Variants in GPSM2 observed in about 807,000 individuals in gnomAD.
GPSM2 encodes G protein signaling modulator 2, also known as G protein-signaling modulator 2.
Under a neutral mutation model 78.4 loss-of-function variants are expected in GPSM2, and 58 were observed. That is an observed-to-expected ratio of 0.74 (90% CI 0.60 to 0.92). The LOEUF is 0.92. Among genes scored for constraint, GPSM2 ranks in the 40% least tolerant of loss-of-function variants. The probability of loss-of-function intolerance (pLI) is 0.00; values close to 1 mark genes in which losing one functional copy is unlikely to be tolerated. For synonymous variants in GPSM2, 224 were observed against 280.2 expected (o/e 0.80, Z 2.00); for missense variants, 700 against 815.5 (o/e 0.86, Z 1.73).
At position 108,880,468 on chromosome 1, in the gene GPSM2, C is replaced by T. The variant is rs536283723; in HGVS notation, c.-249+3240C>T. Among the ~76,000 whole-genome samples the T allele has an allele frequency of 6.6e-5, 10 of 151,958 alleles. No individual in the cohort carries two copies. The East Asian group carries it at 1.8e-3, about 27-fold the overall frequency. On this transcript the variant is annotated intron_variant, in intron 1 of 14. Coordinates refer to ENST00000264126, the MANE Select transcript of GPSM2 (RefSeq NM_013296.5). ...AATTAGCCAGGCGTGGTGCTGGGCACCTGTGGGAGGCTGAGAGAGGAGAAT... is the reference window on the plus strand; with the variant it reads ...AATTAGCCAGGCGTGGTGCTGGGCATCTGTGGGAGGCTGAGAGAGGAGAAT...
chr1:108,905,043 C>T (rs1649113828), intron 10 of GPSM2, among the ~76,000 whole-genome samples: 1 of 151,994 alleles, frequency 6.6e-6, no homozygotes, highest in Non-Finnish European at 1.5e-5. Context: ...TTTACTTTTT[C>T]CAATTTTTTT....
chr1:108,927,290 A>G (rs939030200), intron 14 of GPSM2, among the ~76,000 whole-genome samples: 5 of 152,222 alleles, frequency 3.3e-5, no homozygotes, highest in Non-Finnish European at 7.3e-5. Flanking sequence ...CAGAAATAGA[A>G]AATATAGCCT....
intron 2 of GPSM2, among the ~76,000 whole-genome samples, chr1:108,894,388 T>G (rs1423479714): frequency 1.3e-5 from 2 of 152,270 alleles, no homozygotes; most frequent in East Asian, 3.9e-4. Context: ...CCTGCATTAT[T>G]TTGCATAGAT....
chr1:108,917,363 C>T (rs543770548), intron 11 of GPSM2, among the ~76,000 whole-genome samples: 102 of 151,416 alleles, frequency 6.7e-4, no homozygotes, highest in African/African-American at 2.1e-3. Context: ...GTCAAGAGAT[C>T]GAGACCATCC....
intron 9 of GPSM2, among the ~76,000 whole-genome samples, chr1:108,903,463 T>C (rs1261312261): frequency 1.3e-5 from 2 of 152,050 alleles, no homozygotes; most frequent in Non-Finnish European, 2.9e-5. Context: ...CATGGGGAAG[T>C]GGAAGGAGAG....
At position 108,929,936 on chromosome 1, in the gene GPSM2, AT is replaced by A; in HGVS notation, c.2053del (p.Ter685SerfsTer23). On this transcript the variant is annotated frameshift_variant, in exon 15 of 15. Coordinates refer to ENST00000264126, the MANE Select transcript of GPSM2 (RefSeq NM_013296.5). LOFTEE classifies it high-confidence loss of function. ...FKNSGKKSAD[H>X] is the part of the protein sequence containing the mutation. Reference sequence around the variant, plus strand: ...AATTCAGGGAAAAAATCGGCAGACCATTAGTTACTATGGATTTATTTTTTTT... The same window carrying A: ...AATTCAGGGAAAAAATCGGCAGACCATAGTTACTATGGATTTATTTTTTTT... 6.2e-7 allele frequency: 1 copy of A among 1,612,882 alleles called. No homozygotes were observed. The highest frequency in any genetic ancestry group is 8.5e-7 in the Non-Finnish European group (1 of 1,179,012).
intron 14 of GPSM2, among the ~76,000 whole-genome samples, chr1:108,925,284 A>C (rs1478371237): frequency 6.6e-6 from 1 of 152,242 alleles, no homozygotes; most frequent in Non-Finnish European, 1.5e-5. Flanking sequence ...GGCAAGTGTG[A>C]CTGGTATAGA....
In GPSM2 at chr1:108,931,447, C is replaced by G. The variant is rs1651957992; in HGVS notation, c.*1507C>G. The G allele has an allele frequency of 1.3e-6, 2 of 1,550,842 alleles. No homozygotes were observed. Among genetic ancestry groups the G allele is most frequent in the Middle Eastern group, 1.7e-4 (1 of 5,994 alleles). On this transcript the variant is annotated 3_prime_UTR_variant, in exon 15 of 15. Coordinates refer to ENST00000264126, the MANE Select transcript of GPSM2 (RefSeq NM_013296.5). ...AAAGGCCCACGCTTGGAACAAGTTGCCAACTTGTTTCACTCTGCTTGCTTC... is the reference window on the plus strand; with the variant it reads ...AAAGGCCCACGCTTGGAACAAGTTGGCAACTTGTTTCACTCTGCTTGCTTC...
At chr1:108,922,887 T>TG (rs1436129437) in intron 13 of GPSM2, among the ~76,000 whole-genome samples, 1 of 152,114 alleles carries the variant, frequency 6.6e-6, no homozygotes, top group Non-Finnish European at 1.5e-5. Flanking sequence ...CTCAGCTACT[T>TG]GGGAGGCTGA....
At chr1:108,907,759 A>G (rs527880031) in intron 10 of GPSM2, among the ~76,000 whole-genome samples, 79 of 152,338 alleles carry the variant, frequency 5.2e-4, no homozygotes, top group Non-Finnish European at 9.3e-4. Flanking sequence ...GTTATCCTTA[A>G]TTTACAGGTG....
At position 108,929,891 on chromosome 1, in the gene GPSM2, A is replaced by G. The variant is rs772254021; in HGVS notation, c.2006A>G (p.Asn669Ser). ...GGGCTAAAGGACTTTTTGCAAAATA[A>G]TGCTTTGTTGGAGTTTAAAAATTCA... Reference protein sequence around the residue: ...DFGLKDFLQNNALLEFKNSGK... With the variant: ...DFGLKDFLQNSALLEFKNSGK... The change falls in exon 15 of 15, where the codon AAT becomes AGT. Residue 669 changes from asparagine (N) to serine (S), a missense_variant. Coordinates refer to ENST00000264126, the MANE Select transcript of GPSM2 (RefSeq NM_013296.5). 2.5e-6 allele frequency: 4 copies of G among 1,613,840 alleles called. No homozygotes were observed. The highest frequency in any genetic ancestry group is 4.5e-5 in the East Asian group (2 of 44,874).
chr1:108,877,132 C>T lies in GPSM2; in HGVS notation c.-345C>T, dbSNP rs909452405. Reference sequence around the variant, plus strand: ...GGGGCGCGCCGGCCTCCTGCGGTGCCCCTGCCTTGGGGAGGGGCCGTGACC... The same window carrying T: ...GGGGCGCGCCGGCCTCCTGCGGTGCTCCTGCCTTGGGGAGGGGCCGTGACC... On this transcript the variant is annotated 5_prime_UTR_variant, in exon 1 of 15. Transcript: ENST00000264126. The T allele has an allele frequency of 2.0e-5, 3 of 152,174 alleles. No homozygotes were observed. The highest frequency in any genetic ancestry group is 6.5e-5 in the Admixed American group (1 of 15,288). 9.4% of individuals were successfully genotyped at this position (152,174 alleles called of 1,614,324 possible). A position where few individuals can be genotyped will look rare whatever the true frequency, so the allele number is the denominator to read the frequency against.
chr1:108,880,590 AAAAC>A lies in GPSM2; in HGVS notation c.-249+3365_-249+3368del, dbSNP rs1222633719. On this transcript the variant is annotated intron_variant, in intron 1 of 14. Transcript: ENST00000264126. ...GTGAGACTCCGTCTCAAAAAAAAAA[AAAAC>A]AATGCTTAGTGGAAAGGACCATTTC... Among the ~76,000 whole-genome samples the A allele has an allele frequency of 2.2e-4, 33 of 152,168 alleles. 1 individual carries two copies. Among genetic ancestry groups the A allele is most frequent in the Non-Finnish European group, 5.9e-5 (4 of 68,028 alleles).
chr1:108,906,733 C>T (rs892854659), intron 10 of GPSM2, among the ~76,000 whole-genome samples: 7 of 152,088 alleles, frequency 4.6e-5, no homozygotes, highest in Non-Finnish European at 8.8e-5. Context: ...CAAAAATTAG[C>T]CAGGCACAGG....
At chr1:108,887,399 T>C (rs1237864099) in intron 2 of GPSM2, among the ~76,000 whole-genome samples, 1 of 152,128 alleles carries the variant, frequency 6.6e-6, no homozygotes, top group Admixed American at 6.6e-5. Flanking sequence ...ACACTTACCC[T>C]GGGACTCCGA....
At position 108,898,976 on chromosome 1, in the gene GPSM2, C is replaced by T; in HGVS notation, c.779C>T (p.Thr260Ile). The T allele has an allele frequency of 6.3e-7, 1 of 1,583,034 alleles. No homozygotes were observed. Among genetic ancestry groups the T allele is most frequent in the East Asian group, 2.2e-5 (1 of 44,710 alleles). The stretch of plus-strand genomic sequence containing the variant: ...TATATATTTCTTGGTGAATTTGAAA[C>T]TGCCTCGGAATACTACAAGTTAGTC... ...NAYIFLGEFETASEYYKKTLL... is the reference protein window; with the variant it reads ...NAYIFLGEFEIASEYYKKTLL... The change falls in exon 7 of 15, where the codon ACT becomes ATT. Residue 260 changes from threonine to isoleucine, a missense_variant. By Grantham distance (89) the Thr-to-Ile change is moderately conservative (BLOSUM62 -1). Coordinates refer to ENST00000264126, the MANE Select transcript of GPSM2 (RefSeq NM_013296.5).
chr1:108,877,257 G>C (rs997710827), intron 1 of GPSM2, 29 bp downstream of exon 1: 1 of 152,340 alleles, frequency 6.6e-6, no homozygotes, highest in Non-Finnish European at 1.5e-5. Flanking sequence ...CGGGTTCTGA[G>C]GCGTTTGAGG....
At chr1:108,901,734 T>C in intron 7 of GPSM2, 56 bp from the exon 8 acceptor site, 2 of 1,368,196 alleles carry the variant, frequency 1.5e-6, no homozygotes, top group Non-Finnish European at 2.1e-6. Flanking sequence ...TGTTTTGTGA[T>C]TCTTAAAGCC....
At chr1:108,880,279 A>T (rs530157009) in intron 1 of GPSM2, among the ~76,000 whole-genome samples, 54 of 152,262 alleles carry the variant, frequency 3.5e-4, no homozygotes, top group African/African-American at 1.2e-3. Context: ...ATATTTCTGC[A>T]TTTGGGATTT....
Sources: allele counts gnomAD v4.1 joint callset (sites outside exome capture counted in the v4.1 genomes callset), GRCh38; gene constraint gnomAD v4.1.1; transcripts MANE v1.5; gene names NCBI Gene and HGNC (gene_info 2026-07-23, HGNC 2026-07-21).